FRMD3: variants seen among roughly 807,000 people sequenced by gnomAD.
FRMD3 encodes the protein FERM domain-containing protein 3.
FRMD3 carries 33 observed loss-of-function variants against 70.2 expected under a neutral mutation model. The observed-to-expected ratio is 0.47, with a 90% CI of 0.36 to 0.63. The LOEUF (loss-of-function observed/expected upper bound fraction) is 0.63. FRMD3 is among the 20% of genes least tolerant of loss of function. The pLI is 0.00. For missense variants in FRMD3, 632 were observed against 711.4 expected (o/e 0.89, Z 1.27); for synonymous variants, 279 against 255.9 (o/e 1.09, Z -0.86).
chr9:83,309,708 C>G, intron 9 of FRMD3, 84 bp from the exon 10 acceptor site: 1 of 729,578 alleles, frequency 1.4e-6, no homozygotes. Context: ...AGGTGTTTAC[C>G]TCTTTGTATC....
intron 3 of FRMD3, among the ~76,000 whole-genome samples, chr9:83,359,719 T>A (rs1824522209): frequency 6.6e-6 from 1 of 152,136 alleles, no homozygotes; most frequent in Admixed American, 6.6e-5. Flanking sequence ...CATTTAAAAA[T>A]GTGAAACCTA....
chr9:83,508,402 T>C (rs1040910993), intron 1 of FRMD3, among the ~76,000 whole-genome samples: 8 of 152,194 alleles, frequency 5.3e-5, no homozygotes, highest in African/African-American at 1.9e-4. Context: ...CTTTGCATAC[T>C]TTACTGTATG....
intron 1 of FRMD3, among the ~76,000 whole-genome samples, chr9:83,471,078 G>C (rs940052041): frequency 3.3e-5 from 5 of 152,168 alleles, no homozygotes; most frequent in African/African-American, 1.2e-4. Context: ...TCCAGTTTTA[G>C]GGGGGAGAAG....
chr9:83,364,522 C>T (rs10125280), intron 3 of FRMD3, among the ~76,000 whole-genome samples: 18,192 of 151,036 alleles, frequency 0.12, 1,336 homozygotes, highest in African/African-American at 0.19. Flanking sequence ...CACCACTGCA[C>T]GCCAGCCTGG....
chr9:83,494,600 G>A (rs1274908327), intron 1 of FRMD3, among the ~76,000 whole-genome samples: 2 of 152,090 alleles, frequency 1.3e-5, no homozygotes, highest in African/African-American at 4.8e-5. Flanking sequence ...CTTTTAGAAT[G>A]TTTTAAAATA....
chr9:83,426,038 C>T (rs570412338), intron 1 of FRMD3, among the ~76,000 whole-genome samples: 2 of 151,892 alleles, frequency 1.3e-5, no homozygotes, highest in Non-Finnish European at 2.9e-5. Flanking sequence ...CAAGCGTGAG[C>T]AAACCATCCT....
chr9:83,389,085 T>C (rs1351306359), intron 2 of FRMD3, among the ~76,000 whole-genome samples: 3 of 151,946 alleles, frequency 2.0e-5, no homozygotes, highest in African/African-American at 4.8e-5. Context: ...GTAGCTGTGA[T>C]GACAGGCACA....
intron 3 of FRMD3, among the ~76,000 whole-genome samples, chr9:83,358,767 G>C (rs745861338): frequency 2.6e-5 from 4 of 151,842 alleles, no homozygotes; most frequent in Non-Finnish European, 5.9e-5. Flanking sequence ...CTTGGTCACT[G>C]TTGCCTATAT....
intron 3 of FRMD3, among the ~76,000 whole-genome samples, chr9:83,361,793 A>C (rs999688588): frequency 6.6e-6 from 1 of 152,208 alleles, no homozygotes; most frequent in Non-Finnish European, 1.5e-5. Context: ...CACAGGGCAC[A>C]GAGAAACATA....
At chr9:83,300,996 A>G (rs978138373) in intron 10 of FRMD3, among the ~76,000 whole-genome samples, 2 of 152,224 alleles carry the variant, frequency 1.3e-5, no homozygotes, top group African/African-American at 4.8e-5. Context: ...ATGACACAGA[A>G]GGGCACTGGA....
intron 1 of FRMD3, among the ~76,000 whole-genome samples, chr9:83,447,020 TTTG>T (rs996781619): frequency 2.0e-5 from 3 of 151,474 alleles, no homozygotes; most frequent in Non-Finnish European, 4.4e-5. Context: ...TTTGTTTTGT[TTTG>T]TTTTGTTTTG....
rs189650365 is a variant in FRMD3, at chr9:83,369,862, G to A, written c.295+3051C>T. The stretch of plus-strand genomic sequence containing the variant: ...TGTTTGCAATTGTTATTTCTTTGGG[G>A]TGAGCTTGATATAGAGGGAGGAGCA... On this transcript the variant is annotated intron_variant, in intron 3 of 13. Coordinates refer to ENST00000304195, the MANE Select transcript of FRMD3 (RefSeq NM_174938.6). Among the ~76,000 whole-genome samples the A allele has an allele frequency of 9.2e-5, 14 of 152,234 alleles. No individual in the cohort carries two copies. In the East Asian group the frequency reaches 2.1e-3, roughly 23 times the overall value.
chr9:83,525,908 A>G (rs1446602661), intron 1 of FRMD3, among the ~76,000 whole-genome samples: 1 of 152,234 alleles, frequency 6.6e-6, no homozygotes, highest in East Asian at 1.9e-4. Flanking sequence ...CAGACAAAAA[A>G]GGAAGACCTG....
intron 3 of FRMD3, among the ~76,000 whole-genome samples, chr9:83,357,400 T>A (rs1028605811): frequency 6.7e-6 from 1 of 150,370 alleles, no homozygotes; most frequent in African/African-American, 2.4e-5. Context: ...TGCAAGTATC[T>A]CTTTCGTATA....
chr9:83,264,428 C>A (rs982116238), intron 13 of FRMD3, among the ~76,000 whole-genome samples: 2 of 152,144 alleles, frequency 1.3e-5, no homozygotes, highest in African/African-American at 4.8e-5. Context: ...ATGTACACCA[C>A]CAAGGTGAAC....
At chr9:83,544,372 C>T in the FRMD3 span, among the ~76,000 whole-genome samples, 102 of 152,256 alleles carry the variant, frequency 6.7e-4, no homozygotes, top group Non-Finnish European at 1.2e-3. Flanking sequence ...TTGTGCTTGG[C>T]ATTGGGTTAT....
intron 12 of FRMD3, among the ~76,000 whole-genome samples, chr9:83,297,223 C>T (rs763442299): frequency 6.6e-5 from 10 of 152,216 alleles, no homozygotes; most frequent in Non-Finnish European, 1.3e-4. Context: ...GGAGAACTCC[C>T]TCAGCATCAG....
chr9:83,277,051 T>C (rs1409686236), intron 13 of FRMD3, among the ~76,000 whole-genome samples: 1 of 152,230 alleles, frequency 6.6e-6, no homozygotes, highest in Non-Finnish European at 1.5e-5. Flanking sequence ...AGGGCTACAA[T>C]GAGAGATATT....
the FRMD3 span, among the ~76,000 whole-genome samples, chr9:83,576,861 T>TA: frequency 2.6e-5 from 4 of 152,020 alleles, no homozygotes; most frequent in Non-Finnish European, 2.9e-5. Flanking sequence ...ATGAATCCAC[T>TA]AAAAAATCTA....
Sources: allele counts gnomAD v4.1 joint callset (sites outside exome capture counted in the v4.1 genomes callset), GRCh38; gene constraint gnomAD v4.1.1; transcripts MANE v1.5; gene names NCBI Gene and HGNC (gene_info 2026-07-23, HGNC 2026-07-21).